The following DMD variants were observed in gnomAD, a reference collection of about 807,000 sequenced individuals.
DMD encodes mutant dystrophin.
DMD carries 63 observed loss-of-function variants against 330.1 expected under a neutral mutation model. That is an observed-to-expected ratio of 0.19 (90% CI 0.16 to 0.24). The LOEUF is 0.24. Ranked by LOEUF, DMD falls within the 10% of genes least tolerant of loss-of-function variation. DMD has a pLI of 1.00. For synonymous variants in DMD, 1,223 were observed against 959.8 expected (o/e 1.27, Z -5.07); for missense variants, 3,344 against 2,684.1 (o/e 1.25, Z -5.43).
chrX:32,381,808 T>C (rs1358033141), intron 33 of DMD, among the ~76,000 whole-genome samples: 2 of 111,013 alleles, frequency 1.8e-5, no homozygotes, highest in East Asian at 5.6e-4. Context: ...AAAAAAACCC[T>C]TGTCTGTCAT....
At chrX:31,160,363 T>C (rs752179250) in intron 74 of DMD, among the ~76,000 whole-genome samples, 3 of 111,464 alleles carry the variant, frequency 2.7e-5, no homozygotes, top group Admixed American at 1.9e-4. Context: ...CACTAGAGCA[T>C]ATGAAAAGTT....
intron 2 of DMD, among the ~76,000 whole-genome samples, chrX:32,867,152 C>T (rs544984751): frequency 3.1e-5 from 3 of 96,252 alleles, no homozygotes; most frequent in African/African-American, 8.1e-5. Flanking sequence ...GTTCATTTGA[C>T]GTTCAATTGG....
intron 43 of DMD, among the ~76,000 whole-genome samples, chrX:32,255,743 G>C (rs943370206): frequency 1.8e-5 from 2 of 112,237 alleles, no homozygotes; most frequent in Non-Finnish European, 3.8e-5. Flanking sequence ...TTAATATCCA[G>C]ACCTCATTGT....
At chrX:31,294,452 G>A (rs900550999) in intron 62 of DMD, among the ~76,000 whole-genome samples, 35 of 112,231 alleles carry the variant, frequency 3.1e-4, no homozygotes, top group Admixed American at 9.4e-5. Flanking sequence ...CATGGGATCA[G>A]GTATCAGAAG....
intron 1 of DMD, among the ~76,000 whole-genome samples, chrX:33,323,504 G>A (rs775254310): frequency 1.5e-4 from 17 of 111,518 alleles, no homozygotes; most frequent in African/African-American, 5.5e-4. Context: ...GTGAAAGTTG[G>A]AATAAATGGC....
intron 63 of DMD, among the ~76,000 whole-genome samples, chrX:31,260,072 A>G (rs964799601): frequency 8.9e-6 from 1 of 111,832 alleles, no homozygotes; most frequent in Non-Finnish European, 1.9e-5. Flanking sequence ...ACAAAAATAA[A>G]TAAAAATAAA....
At chrX:33,026,131 C>G (rs905242041) in intron 1 of DMD, among the ~76,000 whole-genome samples, 3 of 107,899 alleles carry the variant, frequency 2.8e-5, no homozygotes, top group Non-Finnish European at 3.8e-5. Flanking sequence ...GTCAGGAGAT[C>G]AAGACCATCC....
chrX:32,747,028 G>T (rs2070120975), intron 7 of DMD, among the ~76,000 whole-genome samples: 2 of 111,535 alleles, frequency 1.8e-5, no homozygotes, highest in Admixed American at 9.6e-5. Flanking sequence ...ACCAATTACA[G>T]GATTTCATTC....
chrX:31,859,621 GA>G (rs1399676045), intron 48 of DMD, among the ~76,000 whole-genome samples: 2 of 112,083 alleles, frequency 1.8e-5, no homozygotes, highest in East Asian at 5.6e-4. Flanking sequence ...TAGCCTCCCA[GA>G]TTTTAATTCA....
rs1237719230 is a variant in DMD at position 33,297,672 on chromosome X, C to G, written c.7+41587G>C. ...CAGCCATAAAAAGAAGGAAATCTTG[C>G]GATTTGCAACAAGGTGAACTTGGAG... On this transcript the variant is annotated intron_variant, in intron 1 of 17. Coordinates refer to the DMD transcript ENST00000288447. Among the ~76,000 whole-genome samples the G allele has an allele frequency of 2.7e-5, 3 of 110,850 alleles. No homozygotes were observed. In the Admixed American group the frequency reaches 2.9e-4, roughly 11 times the overall value.
At chrX:32,847,178 A>G (rs2080763015) in intron 3 of DMD, among the ~76,000 whole-genome samples, 1 of 111,915 alleles carries the variant, frequency 8.9e-6, no homozygotes, top group African/African-American at 3.2e-5. Flanking sequence ...TTTCCTTTCA[A>G]TTATGTAATT....
intron 55 of DMD, among the ~76,000 whole-genome samples, chrX:31,519,549 A>G (rs761992178): frequency 6.3e-5 from 7 of 111,287 alleles, no homozygotes; most frequent in Non-Finnish European, 1.9e-5. Context: ...AAAACCTCAA[A>G]ATACTCCCAC....
At chrX:31,374,975 T>C (rs760931727) in intron 60 of DMD, among the ~76,000 whole-genome samples, 3 of 111,413 alleles carry the variant, frequency 2.7e-5, no homozygotes, top group African/African-American at 9.8e-5. Context: ...GGGGCCTTCA[T>C]TGGAATGTGC....
chrX:32,087,068 T>C (rs1313547404), intron 44 of DMD, among the ~76,000 whole-genome samples: 1 of 111,713 alleles, frequency 9.0e-6, no homozygotes, highest in Non-Finnish European at 1.9e-5. Context: ...TTGCCTATCT[T>C]AACCACCACT....
intron 3 of DMD, among the ~76,000 whole-genome samples, chrX:32,846,205 T>A (rs1025001922): frequency 1.8e-5 from 2 of 111,896 alleles, no homozygotes; most frequent in Non-Finnish European, 3.8e-5. Flanking sequence ...GTTTCATCCC[T>A]ATTGTACAGA....
At chrX:31,848,139 T>C (rs1353912750) in intron 48 of DMD, among the ~76,000 whole-genome samples, 2 of 111,943 alleles carry the variant, frequency 1.8e-5, no homozygotes, top group African/African-American at 6.5e-5. Flanking sequence ...TCTCCTCCTC[T>C]TGAACTCAAA....
intron 62 of DMD, chrX:31,266,943 T>A (rs1363243881): frequency 8.9e-6 from 10 of 1,124,957 alleles, no homozygotes; most frequent in Non-Finnish European, 9.5e-6. Flanking sequence ...AGCTCACAGC[T>A]GAAAGCACTG....
intron 44 of DMD, among the ~76,000 whole-genome samples, chrX:32,204,497 T>A (rs1410474149): frequency 8.9e-6 from 1 of 112,087 alleles, no homozygotes; most frequent in Non-Finnish European, 1.9e-5. Flanking sequence ...ATTAGTTTTC[T>A]GAACTGGCTT....
chrX:31,687,740 A>C (rs1458995960), intron 52 of DMD, among the ~76,000 whole-genome samples: 1 of 112,076 alleles, frequency 8.9e-6, no homozygotes. Context: ...TTTCCACCGA[A>C]AAATCTGCTG....
Sources: gnomAD v4.1 joint callset for allele counts (sites outside exome capture counted in the v4.1 genomes callset) on GRCh38, gnomAD v4.1.1 for gene constraint, MANE v1.5 for transcripts, NCBI Gene and HGNC (gene_info 2026-07-23, HGNC 2026-07-21) for gene names.